LRP1B: variants seen among roughly 807,000 people sequenced by gnomAD.
The protein encoded by LRP1B is low-density lipoprotein receptor-related protein 1B.
Under a neutral mutation model 556.6 loss-of-function variants are expected in LRP1B, and 217 were observed. The ratio of observed to expected loss-of-function variants is 0.39; its 90% CI spans 0.35 to 0.44. The LOEUF (loss-of-function observed/expected upper bound fraction) is 0.44. LRP1B is among the 20% of genes least tolerant of loss of function. The pLI is 1.00. For synonymous variants in LRP1B, 2,047 were observed against 1,865.8 expected (o/e 1.10, Z -2.50); for missense variants, 5,053 against 5,620.8 (o/e 0.90, Z 3.23).
At chr2:141,251,585 G>A (rs533653519) in intron 4 of LRP1B, among the ~76,000 whole-genome samples, 130 of 152,234 alleles carry the variant, frequency 8.5e-4, no homozygotes, top group African/African-American at 3.0e-3. Flanking sequence ...AGGTATATAA[G>A]AAAGAGGTAG....
At chr2:140,863,147 T>A (rs1384295076) in intron 27 of LRP1B, among the ~76,000 whole-genome samples, 2 of 151,984 alleles carry the variant, frequency 1.3e-5, no homozygotes, top group Non-Finnish European at 2.9e-5. Context: ...TCTCTGTGTG[T>A]CTGTGTGTGT....
At chr2:140,240,399 T>C (rs1210073696) in intron 87 of LRP1B, among the ~76,000 whole-genome samples, 4 of 150,750 alleles carry the variant, frequency 2.7e-5, no homozygotes, top group Admixed American at 1.3e-4. Flanking sequence ...GGAGGCAAAA[T>C]GGAGGAGACT....
At chr2:140,842,118 A>C (rs1692127743) in intron 29 of LRP1B, among the ~76,000 whole-genome samples, 1 of 152,210 alleles carries the variant, frequency 6.6e-6, no homozygotes, top group African/African-American at 2.4e-5. Flanking sequence ...TCCAATCAAA[A>C]CTTCTGAGCA....
At chr2:141,137,722 C>G (rs1701525166) in intron 7 of LRP1B, among the ~76,000 whole-genome samples, 1 of 151,782 alleles carries the variant, frequency 6.6e-6, no homozygotes, top group Non-Finnish European at 1.5e-5. Context: ...TATTCATCAA[C>G]AAATAAATAG....
intron 86 of LRP1B, among the ~76,000 whole-genome samples, chr2:140,254,768 G>T (rs1026694762): frequency 6.6e-6 from 1 of 151,986 alleles, no homozygotes; most frequent in Non-Finnish European, 1.5e-5. Context: ...TGGTCAGGCT[G>T]GTCTCAAACT....
chr2:142,017,265 G>C (rs567999772), intron 1 of LRP1B, among the ~76,000 whole-genome samples: 2 of 152,204 alleles, frequency 1.3e-5, no homozygotes, highest in Admixed American at 6.5e-5. Context: ...TTGTCCTTCT[G>C]CAAGGTATTT....
At chr2:140,381,867 A>AAC (rs2105190522) in intron 67 of LRP1B, among the ~76,000 whole-genome samples, 1 of 123,868 alleles carries the variant, frequency 8.1e-6, no homozygotes, top group South Asian at 2.4e-4. Context: ...CTTTCAAAAA[A>AAC]AAAAAAAAAA....
chr2:141,423,590 A>G (rs1253379342), intron 3 of LRP1B, among the ~76,000 whole-genome samples: 1 of 152,100 alleles, frequency 6.6e-6, no homozygotes, highest in Admixed American at 6.5e-5. Context: ...TGGATAACTA[A>G]GCAGCTATTG....
chr2:141,563,834 G>T (rs1196175614), intron 2 of LRP1B, among the ~76,000 whole-genome samples: 1 of 151,942 alleles, frequency 6.6e-6, no homozygotes, highest in Non-Finnish European at 1.5e-5. Flanking sequence ...AGTACTTACG[G>T]ATATAAAGAT....
rs185398093 is a variant in LRP1B at position 140,282,803 on chromosome 2, C to T, written c.12968-8205G>A. Among the ~76,000 whole-genome samples, 14 of 151,914 alleles carry T rather than the reference C, an allele frequency of 9.2e-5. No homozygotes were observed. In the East Asian group the frequency reaches 2.7e-3, roughly 30 times the overall value. Reference sequence around the variant, plus strand: ...CCAAGTTAGATGTTTGTCTCTCTATCTATGGATAGTTGGTTCAAAGCATGG... The same window carrying T: ...CCAAGTTAGATGTTTGTCTCTCTATTTATGGATAGTTGGTTCAAAGCATGG... On this transcript the variant is annotated intron_variant, in intron 84 of 90. Transcript: ENST00000389484.
chr2:141,434,183 T>C (rs1559068568), intron 3 of LRP1B, among the ~76,000 whole-genome samples: 1 of 152,174 alleles, frequency 6.6e-6, no homozygotes, highest in Non-Finnish European at 1.5e-5. Flanking sequence ...ATTTTTTCTG[T>C]CCCTTTCTCT....
chr2:140,733,963 C>T (rs1687863723), intron 35 of LRP1B, among the ~76,000 whole-genome samples: 1 of 152,102 alleles, frequency 6.6e-6, no homozygotes, highest in Non-Finnish European at 1.5e-5. Context: ...TATAGATGTG[C>T]CTTTTGGGTG....
chr2:140,504,985 G>A (rs1018244794), intron 53 of LRP1B, among the ~76,000 whole-genome samples: 1 of 152,128 alleles, frequency 6.6e-6, no homozygotes, highest in Admixed American at 6.5e-5. Context: ...GCCTCTGAGA[G>A]ACAAAATAAT....
At chr2:141,922,696 G>C (rs1021618013) in intron 1 of LRP1B, among the ~76,000 whole-genome samples, 4 of 152,104 alleles carry the variant, frequency 2.6e-5, no homozygotes, top group Non-Finnish European at 4.4e-5. Flanking sequence ...CAGCTATAGA[G>C]GCAGTAAGGG....
intron 29 of LRP1B, among the ~76,000 whole-genome samples, chr2:140,849,398 A>G (rs1692382995): frequency 1.3e-5 from 1 of 79,366 alleles, no homozygotes; most frequent in African/African-American, 3.7e-5. Context: ...ACAAAAAACA[A>G]AAAACAAAAT....
At chr2:140,795,527 T>G (rs973165896) in intron 32 of LRP1B, among the ~76,000 whole-genome samples, 34 of 152,150 alleles carry the variant, frequency 2.2e-4, no homozygotes, top group African/African-American at 4.8e-5. Context: ...ATTTCAAAGT[T>G]GTAATGTTTA....
At chr2:141,445,676 A>G (rs1681160904) in intron 3 of LRP1B, among the ~76,000 whole-genome samples, 1 of 152,078 alleles carries the variant, frequency 6.6e-6, no homozygotes, top group Admixed American at 6.6e-5. Context: ...TAATTTTGTT[A>G]TTTACTCAGC....
At chr2:141,288,270 G>A (rs962497015) in intron 3 of LRP1B, among the ~76,000 whole-genome samples, 10 of 148,952 alleles carry the variant, frequency 6.7e-5, no homozygotes, top group Non-Finnish European at 1.3e-4. Context: ...ACTGTCCTTT[G>A]TATTTTATGG....
intron 11 of LRP1B, among the ~76,000 whole-genome samples, chr2:141,047,918 A>T (rs932390619): frequency 6.6e-6 from 1 of 152,136 alleles, no homozygotes; most frequent in Admixed American, 6.6e-5. Context: ...GTATACCCAC[A>T]TAAAGATATC....
Sources: allele counts gnomAD v4.1 joint callset (sites outside exome capture counted in the v4.1 genomes callset), GRCh38; gene constraint gnomAD v4.1.1; transcripts MANE v1.5; gene names NCBI Gene and HGNC (gene_info 2026-07-23, HGNC 2026-07-21).